Variants in NDST4 observed in about 807,000 individuals in gnomAD.
NDST4 encodes the protein N-heparan sulfate sulfotransferase 4.
In NDST4, 63 loss-of-function variants were observed where a neutral mutation model predicts 100.8. The observed-to-expected ratio is 0.62, with a 90% CI of 0.51 to 0.77. The LOEUF (loss-of-function observed/expected upper bound fraction) is 0.77, where lower values mean the gene tolerates loss of function less well. NDST4 is among the 30% of genes least tolerant of loss of function. NDST4 has a pLI of 0.00. For missense variants in NDST4, 943 were observed against 1,018.4 expected (o/e 0.93, Z 1.01); for synonymous variants, 377 against 361.8 (o/e 1.04, Z -0.48).
rs370874021 is a variant in NDST4, at chr4:114,997,995, T to A, written c.979-20721A>T. Among the ~76,000 whole-genome samples, 673 of 152,180 alleles carry A rather than the reference T, an allele frequency of 4.4e-3. 53 individuals are homozygous for A. The South Asian group carries it at 0.13, about 30-fold the overall frequency. On this transcript the variant is annotated intron_variant, in intron 2 of 13. Transcript: ENST00000264363. ...CTATGATACACAGGCATATATAATA[T>A]GTTGTGGTAGTCATCTCTAGGTATC... is the stretch of plus-strand genomic sequence containing the variant.
At chr4:114,975,914 C>G (rs1726622902) in intron 3 of NDST4, among the ~76,000 whole-genome samples, 1 of 152,056 alleles carries the variant, frequency 6.6e-6, no homozygotes, top group African/African-American at 2.4e-5. Context: ...AAATTGCAAG[C>G]TGAAATTGCT....
At chr4:114,971,071 TA>T (rs201107046) in intron 3 of NDST4, among the ~76,000 whole-genome samples, 1,697 of 152,158 alleles carry the variant, frequency 0.011, 33 homozygotes, top group African/African-American at 0.039. Context: ...AAAAAACCTG[TA>T]AGACCATCTT....
intron 1 of NDST4, among the ~76,000 whole-genome samples, chr4:115,082,715 G>T (rs1729327506): frequency 6.6e-6 from 1 of 152,122 alleles, no homozygotes; most frequent in Non-Finnish European, 1.5e-5. Flanking sequence ...TTAAAATTTA[G>T]AAGGTTTAAG....
chr4:114,941,689 T>G (rs1440899643), intron 4 of NDST4, among the ~76,000 whole-genome samples: 1 of 152,164 alleles, frequency 6.6e-6, no homozygotes, highest in Non-Finnish European at 1.5e-5. Flanking sequence ...TTTTTGTTTT[T>G]AACGGAGATC....
intron 6 of NDST4, among the ~76,000 whole-genome samples, chr4:114,929,980 A>T (rs1181988542): frequency 6.6e-6 from 1 of 152,200 alleles, no homozygotes; most frequent in Non-Finnish European, 1.5e-5. Flanking sequence ...TGACTAGGGC[A>T]GATATGTGTC....
chr4:115,018,206 G>A (rs191291605), intron 2 of NDST4, among the ~76,000 whole-genome samples: 1 of 151,748 alleles, frequency 6.6e-6, no homozygotes, highest in Non-Finnish European at 1.5e-5. Flanking sequence ...AAGCCATTGA[G>A]AACAAAAAAC....
At chr4:115,012,666 T>C (rs1727577723) in intron 2 of NDST4, among the ~76,000 whole-genome samples, 1 of 152,012 alleles carries the variant, frequency 6.6e-6, no homozygotes, top group Non-Finnish European at 1.5e-5. Context: ...AACTACCATA[T>C]GATCCAGAAA....
chr4:115,021,433 ACACATTC>A (rs930203366), intron 2 of NDST4, among the ~76,000 whole-genome samples: 15 of 151,590 alleles, frequency 9.9e-5, no homozygotes, highest in Non-Finnish European at 1.3e-4. Context: ...CCATATATAC[ACACATTC>A]CACATATACA....
chr4:114,907,009 ACT>A (rs1383433218), intron 6 of NDST4, among the ~76,000 whole-genome samples: 1 of 152,132 alleles, frequency 6.6e-6, no homozygotes, highest in African/African-American at 2.4e-5. Context: ...AGAAGTACTA[ACT>A]CAGCTTAATC....
chr4:114,954,652 C>CT (rs1276364974), intron 4 of NDST4, among the ~76,000 whole-genome samples: 4 of 152,000 alleles, frequency 2.6e-5, no homozygotes, highest in Admixed American at 1.3e-4. Flanking sequence ...CTAAAACATT[C>CT]TTTTTTCCTG....
chr4:114,938,093 G>A (rs1433988745), intron 4 of NDST4, among the ~76,000 whole-genome samples: 2 of 152,142 alleles, frequency 1.3e-5, no homozygotes, highest in Non-Finnish European at 1.5e-5. Context: ...ACTGTAAGGG[G>A]AAGAAAGTGA....
intron 6 of NDST4, among the ~76,000 whole-genome samples, chr4:114,915,245 C>T (rs1252922156): frequency 1.3e-5 from 2 of 152,052 alleles, no homozygotes; most frequent in Non-Finnish European, 2.9e-5. Flanking sequence ...ACAAAACCAC[C>T]AAGCTGTCAA....
At chr4:115,099,577 T>C (rs537665256) in intron 1 of NDST4, among the ~76,000 whole-genome samples, 22 of 152,282 alleles carry the variant, frequency 1.4e-4, no homozygotes, top group African/African-American at 5.1e-4. Flanking sequence ...ACACATCATA[T>C]GGTACTGGGG....
intron 1 of NDST4, among the ~76,000 whole-genome samples, chr4:115,111,005 G>A (rs1229674613): frequency 6.6e-6 from 1 of 151,934 alleles, no homozygotes; most frequent in Non-Finnish European, 1.5e-5. Context: ...CTAAATCTGG[G>A]AAGGCAGCAC....
chr4:114,848,635 A>G (rs758697621), intron 8 of NDST4, among the ~76,000 whole-genome samples: 3 of 152,204 alleles, frequency 2.0e-5, no homozygotes, highest in Non-Finnish European at 2.9e-5. Context: ...ACTTTCCTCC[A>G]GGAGTCAGGT....
intron 2 of NDST4, among the ~76,000 whole-genome samples, chr4:115,044,307 G>A (rs968365840): frequency 1.3e-5 from 2 of 152,044 alleles, no homozygotes; most frequent in Non-Finnish European, 2.9e-5. Flanking sequence ...ATTAAGAGAA[G>A]ATTAAAGATT....
intron 2 of NDST4, among the ~76,000 whole-genome samples, chr4:115,073,584 C>T (rs547216478): frequency 6.6e-6 from 1 of 151,972 alleles, no homozygotes; most frequent in African/African-American, 2.4e-5. Flanking sequence ...AATACATAAT[C>T]TCACTTTTTA....
At chr4:115,054,413 A>G (rs770850841) in intron 2 of NDST4, among the ~76,000 whole-genome samples, 6 of 152,126 alleles carry the variant, frequency 3.9e-5, no homozygotes, top group Non-Finnish European at 7.4e-5. Context: ...ATCTTTGGAT[A>G]TTTACTCTAG....
chr4:114,933,609 A>G (rs1034083244), intron 6 of NDST4, among the ~76,000 whole-genome samples: 1 of 151,832 alleles, frequency 6.6e-6, no homozygotes, highest in Non-Finnish European at 1.5e-5. Context: ...ATATATCTAC[A>G]AATGCTTAAT....
Sources: gnomAD v4.1 joint callset for allele counts (sites outside exome capture counted in the v4.1 genomes callset) on GRCh38, gnomAD v4.1.1 for gene constraint, MANE v1.5 for transcripts, NCBI Gene and HGNC (gene_info 2026-07-23, HGNC 2026-07-21) for gene names.